FBF1: variants seen among roughly 807,000 people sequenced by gnomAD.
FBF1 encodes fas-binding factor 1.
A neutral mutation model predicts 147.2 loss-of-function variants in FBF1; 119 were observed. The observed-to-expected ratio is 0.81, with a 90% CI of 0.70 to 0.94. The LOEUF is 0.94. Ranked by LOEUF, FBF1 falls within the 40% of genes least tolerant of loss-of-function variation. The probability of loss-of-function intolerance (pLI) is 0.00; values close to 1 mark genes in which losing one functional copy is unlikely to be tolerated. For missense variants in FBF1, 1,449 were observed against 1,500.8 expected (o/e 0.97, Z 0.57); for synonymous variants, 601 against 609.0 (o/e 0.99, Z 0.19).
rs201197761 is a variant in FBF1 at position 75,926,086 on chromosome 17, G to C, written c.812C>G (p.Pro271Arg). 2.1e-4 allele frequency: 334 copies of C among 1,612,334 alleles called. 2 individuals carry two copies. The Middle Eastern group carries it at 2.2e-3, about 10-fold the overall frequency. Residue 271 changes from proline (P) to arginine (R), a missense_variant, in exon 12 of 30, where the codon CCG becomes CGG. Physicochemically the swap from Pro to Arg is moderately radical, Grantham distance 103. Coordinates refer to ENST00000636174, the MANE Select transcript of FBF1 (RefSeq NM_001319193.2). Reference protein sequence around the residue: ...RGMATKLLARPGTGEHREFKL... With the variant: ...RGMATKLLARRGTGEHREFKL... ...GAACTCCCTGTGCTCCCCGGTGCCC[G>C]GGCGGGCCAGGAGTTTGGTGGCCAT...
At chr17:75,940,380 G>A (rs961755891) in intron 1 of FBF1, among the ~76,000 whole-genome samples, 1 of 152,002 alleles carries the variant, frequency 6.6e-6, no homozygotes, top group Admixed American at 6.6e-5. Context: ...AGCCTCCCTA[G>A]CAGCTGGGAC....
chr17:75,915,374 C>T (rs1241176120), intron 23 of FBF1, among the ~76,000 whole-genome samples: 1 of 152,246 alleles, frequency 6.6e-6, no homozygotes, highest in Middle Eastern at 3.2e-3. Context: ...AGGTCTCCAA[C>T]AGCACCAAGG....
At chr17:75,937,332 G>A (rs1046566779) in intron 3 of FBF1, among the ~76,000 whole-genome samples, 7 of 151,906 alleles carry the variant, frequency 4.6e-5, no homozygotes, top group Non-Finnish European at 7.4e-5. Context: ...CACCACGCCC[G>A]GCTAATTTTT....
At position 75,922,188 on chromosome 17, in the gene FBF1, C is replaced by T. The variant is rs1567860586; in HGVS notation, c.1425-142G>A. ...CCACCATCCCGTCTTGGGGCATTCT[C>T]CTCCCACGTCTGAGCTCCTGGGATT... On this transcript the variant is annotated intron_variant, in intron 14 of 29. Coordinates refer to ENST00000636174, the MANE Select transcript of FBF1 (RefSeq NM_001319193.2). The surrounding 1 kb of genome is among the most constrained non-coding windows in gnomAD (Gnocchi z 5.0). The T allele has an allele frequency of 1.6e-6, 1 of 640,044 alleles. No individual in the cohort carries two copies. The highest frequency in any genetic ancestry group is 2.8e-5 in the Admixed American group (1 of 35,300). 39.6% of individuals were successfully genotyped at this position (640,044 alleles called of 1,614,324 possible).
At position 75,925,459 on chromosome 17, in the gene FBF1, G is replaced by C. The variant is rs1190045157; in HGVS notation, c.869-13C>G. On this transcript the variant is annotated splice_polypyrimidine_tract_variant and intron_variant, in intron 12 of 29. Coordinates refer to ENST00000636174, the MANE Select transcript of FBF1 (RefSeq NM_001319193.2). The surrounding 1 kb of genome is among the most constrained non-coding windows in gnomAD (Gnocchi z 5.0). ...ATATCTTCACTGTCTGTGAATTAAG[G>C]AGCCTGTGACCGTGATCTGGAGTAG... The C allele has an allele frequency of 3.1e-6, 5 of 1,609,340 alleles. No individual in the cohort carries two copies. The highest frequency in any genetic ancestry group is 1.3e-5 in the African/African-American group (1 of 74,756).
chr17:75,926,009 G>A (rs935675188), intron 12 of FBF1, 21 bp downstream of exon 12: 46 of 1,589,166 alleles, frequency 2.9e-5, no homozygotes, highest in Admixed American at 5.2e-5. Context: ...GTCCTGTTGC[G>A]GCCCCCGCAA....
chr17:75,938,082 T>A (rs765232283), intron 2 of FBF1, 65 bp downstream of exon 2: 1 of 1,603,632 alleles, frequency 6.2e-7, no homozygotes, highest in South Asian at 1.1e-5. Flanking sequence ...GCAGTCAAGA[T>A]CTTTGGGGAT....
chr17:75,927,892 C>T (rs1352506309), intron 8 of FBF1, among the ~76,000 whole-genome samples, 184 bp downstream of exon 8: 2 of 152,306 alleles, frequency 1.3e-5, no homozygotes, highest in East Asian at 3.9e-4. Flanking sequence ...TCAAGCTGTC[C>T]CCTTACCCCA....
chr17:75,939,096 G>A (rs2065643667), intron 1 of FBF1, among the ~76,000 whole-genome samples: 1 of 151,886 alleles, frequency 6.6e-6, no homozygotes, highest in South Asian at 2.1e-4. Context: ...AGGAGTTCAA[G>A]ACCAGCCTGA....
In FBF1 at chr17:75,919,976, C is replaced by T; in HGVS notation, c.1931+31G>A. ...TGGCCTTTGGGGTCAGTGTGAGATC[C>T]AAGGCAGAGCTGGGGCCAGCGCCAG... On this transcript the variant is annotated intron_variant, in intron 19 of 29. Coordinates refer to ENST00000636174, the MANE Select transcript of FBF1 (RefSeq NM_001319193.2). This position sits in a 1 kb window ranked among gnomAD's most constrained non-coding sequence, Gnocchi z 5.0. 1 of 1,609,838 alleles carries T rather than the reference C, an allele frequency of 6.2e-7. No homozygotes were observed. Among genetic ancestry groups the T allele is most frequent in the South Asian group, 1.1e-5 (1 of 90,888 alleles).
intron 3 of FBF1, among the ~76,000 whole-genome samples, chr17:75,936,042 G>A (rs1390517196): frequency 2.0e-5 from 3 of 151,966 alleles, no homozygotes; most frequent in Middle Eastern, 3.4e-3. Context: ...GCTGGGCGCG[G>A]TGGCTCACAC....
chr17:75,920,451 G>A (rs868412463), intron 17 of FBF1, 22 bp from the exon 18 acceptor site: 3 of 1,588,846 alleles, frequency 1.9e-6, no homozygotes, highest in Middle Eastern at 1.9e-4. Context: ...GAAGAGAGGT[G>A]TTTCTAGTTA....
chr17:75,913,762 G>T lies in FBF1; in HGVS notation c.3187C>A (p.Pro1063Thr). ...LQLDRARQDLPSSLVGLFPRA... is the reference protein window; with the variant it reads ...LQLDRARQDLTSSLVGLFPRA... ...GGGAACAGACCCACGAGGCTAGAGG[G>T]CAGGTCCTGTCGTGCGCGGTCCAGT... The change falls in exon 28 of 30, where the codon CCC becomes ACC. Residue 1063 changes from proline (P) to threonine (T), a missense_variant. Coordinates refer to ENST00000636174, the MANE Select transcript of FBF1 (RefSeq NM_001319193.2). 2 of 1,604,870 alleles carry T rather than the reference G, an allele frequency of 1.2e-6. No homozygotes were observed.
At position 75,919,661 on chromosome 17, in the gene FBF1, G is replaced by A; in HGVS notation, c.2138+7C>T. On this transcript the variant is annotated splice_region_variant and intron_variant, in intron 20 of 29. Transcript: ENST00000636174. This position sits in a 1 kb window ranked among gnomAD's most constrained non-coding sequence, Gnocchi z 5.0. ...CTGCTCCCCAGCTGCCTGTCCCTGG[G>A]CCTCACCGCTGCAGCTCCCGGAGCC... 4 of 1,589,350 alleles carry A rather than the reference G, an allele frequency of 2.5e-6. No individual in the cohort carries two copies. Among genetic ancestry groups the A allele is most frequent in the Non-Finnish European group, 3.4e-6 (4 of 1,170,032 alleles).
At position 75,923,231 on chromosome 17, in the gene FBF1, T is replaced by C; in HGVS notation, c.1379A>G (p.Glu460Gly). The stretch of plus-strand genomic sequence containing the variant: ...CGCTGTCCCCGCCAAATGCAGGCCC[T>C]CAGAGGTCCCAGCATGCTGCTCTCT... The part of the protein sequence containing the change: ...LAREQHAGTS[E>G]GLHLAGTAGH... Residue 460 changes from glutamate to glycine, a missense_variant, in exon 14 of 30, where the codon GAG (glutamate) becomes GGG (glycine). Glu to Gly is a moderately conservative substitution (Grantham distance 98, BLOSUM62 -2). Transcript: ENST00000636174. This position sits in a 1 kb window ranked among gnomAD's most constrained non-coding sequence, Gnocchi z 4.1. 1 of 1,592,886 alleles carries C rather than the reference T, an allele frequency of 6.3e-7. No individual in the cohort carries two copies. Among genetic ancestry groups the C allele is most frequent in the Non-Finnish European group, 8.5e-7 (1 of 1,170,296 alleles).
intron 17 of FBF1, 146 bp downstream of exon 17, chr17:75,921,098 G>C: frequency 1.3e-6 from 1 of 792,324 alleles, no homozygotes; most frequent in South Asian, 1.7e-5. Flanking sequence ...CTAGTGGGGG[G>C]TGCCCGGGGA....
rs1240478869 is a variant in FBF1, at chr17:75,914,166, G to A, written c.2947C>T (p.Leu983=). 1.3e-6 allele frequency: 2 copies of A among 1,599,824 alleles called. No homozygotes were observed. Among genetic ancestry groups the A allele is most frequent in the Non-Finnish European group, 8.5e-7 (1 of 1,175,786 alleles). ...TCCTCGGCGCGGAGCTTGACACGCAGGGCGGTGGCGTTGATCCTCTCCTTC... is the reference window on the plus strand; with the variant it reads ...TCCTCGGCGCGGAGCTTGACACGCAAGGCGGTGGCGTTGATCCTCTCCTTC... ...LEKERINATA[L]RVKLRAEEVE... Residue 983 remains leucine (L), a synonymous_variant, in exon 26 of 30, where the codon CTG becomes TTG. Transcript: ENST00000636174.
In FBF1 at chr17:75,926,747, C is replaced by T. The variant is rs1191420141; in HGVS notation, c.595+11G>A. The T allele has an allele frequency of 6.2e-7, 1 of 1,610,498 alleles. No individual in the cohort carries two copies. The highest frequency in any genetic ancestry group is 8.5e-7 in the Non-Finnish European group (1 of 1,178,326). On this transcript the variant is annotated intron_variant, in intron 10 of 29. Coordinates refer to ENST00000636174, the MANE Select transcript of FBF1 (RefSeq NM_001319193.2). ...TCCTCCAGGATGGGAAATGAGCCCA[C>T]TCCACCCTACCTTGATCTCTCACTG...
chr17:75,930,259 CAG>C (rs1293303847), intron 6 of FBF1: 4 of 585,352 alleles, frequency 6.8e-6, no homozygotes, highest in African/African-American at 1.9e-5. Context: ...TTTAGAGACT[CAG>C]AGAGCACTGC....
Sources: allele counts gnomAD v4.1 joint callset (sites outside exome capture counted in the v4.1 genomes callset), GRCh38; gene constraint gnomAD v4.1.1; non-coding constraint Gnocchi (gnomAD v3.1); transcripts MANE v1.5; gene names NCBI Gene and HGNC (gene_info 2026-07-23, HGNC 2026-07-21).